The following CNTNAP5 variants were observed in gnomAD, a reference collection of about 807,000 sequenced individuals.
CNTNAP5 encodes contactin-associated protein-like 5.
CNTNAP5 carries 72 observed loss-of-function variants against 150.2 expected under a neutral mutation model. The observed-to-expected ratio is 0.48, with a 90% CI of 0.40 to 0.58. The LOEUF is 0.58. CNTNAP5 is among the 20% of genes least tolerant of loss of function. CNTNAP5 has a pLI of 0.00. For missense variants in CNTNAP5, 1,636 were observed against 1,626.2 expected (o/e 1.01, Z -0.10); for synonymous variants, 672 against 619.8 (o/e 1.08, Z -1.25).
At chr2:124,461,855 C>T (rs1693263073) in intron 6 of CNTNAP5, among the ~76,000 whole-genome samples, 1 of 65,570 alleles carries the variant, frequency 1.5e-5, no homozygotes. Flanking sequence ...GGTGAGATTC[C>T]ACCTCAAAAA....
At chr2:124,737,519 G>A (rs1286553780) in intron 13 of CNTNAP5, among the ~76,000 whole-genome samples, 1 of 152,094 alleles carries the variant, frequency 6.6e-6, no homozygotes, top group Non-Finnish European at 1.5e-5. Context: ...CTGGATTGTG[G>A]AATAAGACGT....
At chr2:124,270,121 G>C (rs188871290) in intron 3 of CNTNAP5, among the ~76,000 whole-genome samples, 3 of 152,050 alleles carry the variant, frequency 2.0e-5, no homozygotes, top group Non-Finnish European at 4.4e-5. Flanking sequence ...TTCCAGACCA[G>C]CCTGGCCAAC....
chr2:124,340,737 A>G (rs943767885), intron 3 of CNTNAP5, among the ~76,000 whole-genome samples: 1 of 151,386 alleles, frequency 6.6e-6, no homozygotes, highest in Non-Finnish European at 1.5e-5. Context: ...AGGGCAACAT[A>G]GTGATAATCT....
intron 19 of CNTNAP5, among the ~76,000 whole-genome samples, chr2:124,829,899 A>G (rs1338082220): frequency 6.6e-6 from 1 of 151,878 alleles, no homozygotes; most frequent in East Asian, 1.9e-4. Flanking sequence ...ACAGTGCCAC[A>G]TCAGAAAAAT....
At chr2:124,779,169 G>A (rs1681396206) in intron 17 of CNTNAP5, among the ~76,000 whole-genome samples, 1 of 152,200 alleles carries the variant, frequency 6.6e-6, no homozygotes, top group South Asian at 2.1e-4. Flanking sequence ...TGCCTCAGCT[G>A]CAGAGAAAGC....
intron 3 of CNTNAP5, among the ~76,000 whole-genome samples, chr2:124,259,675 C>T (rs1362274545): frequency 6.6e-6 from 1 of 152,138 alleles, no homozygotes; most frequent in Non-Finnish European, 1.5e-5. Context: ...AGTGTCTGTT[C>T]ATATCCCTTG....
At chr2:124,502,317 A>G (rs1230071887) in intron 7 of CNTNAP5, among the ~76,000 whole-genome samples, 2 of 152,174 alleles carry the variant, frequency 1.3e-5, no homozygotes, top group African/African-American at 4.8e-5. Context: ...CAAACTGATC[A>G]AATAAGGAAA....
Position 124,861,917 on chromosome 2 carries a change from G to A in CNTNAP5, c.3218-3389G>A, listed in dbSNP as rs1178790223. Among the ~76,000 whole-genome samples, 7 of 152,126 alleles carry A rather than the reference G, an allele frequency of 4.6e-5. No individual in the cohort carries two copies. The East Asian group carries it at 5.8e-4, about 13-fold the overall frequency. ...CAACCTCTACCTCCCAGGTTGAAGC[G>A]ATTCTCCTGCCTCAGTCTCCTGAGT... On this transcript the variant is annotated intron_variant, in intron 19 of 23. Transcript: ENST00000682447.
chr2:124,698,934 G>T (rs1679462322), intron 13 of CNTNAP5, among the ~76,000 whole-genome samples: 1 of 152,142 alleles, frequency 6.6e-6, no homozygotes, highest in South Asian at 2.1e-4. Flanking sequence ...TGGCAGCCCA[G>T]TGTGAGGAAT....
At chr2:124,328,201 A>G (rs1332810896) in intron 3 of CNTNAP5, among the ~76,000 whole-genome samples, 1 of 152,164 alleles carries the variant, frequency 6.6e-6, no homozygotes, top group African/African-American at 2.4e-5. Flanking sequence ...TATAAGATAA[A>G]TGAGTTCTAG....
At chr2:124,706,785 GAAGAAGA>G (rs1553433512) in intron 13 of CNTNAP5, among the ~76,000 whole-genome samples, 51 of 35,878 alleles carry the variant, frequency 1.4e-3, no homozygotes, top group Non-Finnish European at 2.4e-3. Flanking sequence ...AGAAGAAGAA[GAAGAAGA>G]AGAAGGAGGA....
At chr2:124,325,999 G>A (rs1015340091) in intron 3 of CNTNAP5, among the ~76,000 whole-genome samples, 2 of 152,140 alleles carry the variant, frequency 1.3e-5, no homozygotes, top group African/African-American at 4.8e-5. Context: ...AGCCATGCTG[G>A]CTGCAACAAT....
At chr2:124,881,134 G>A (rs925859822) in intron 21 of CNTNAP5, among the ~76,000 whole-genome samples, 28 of 152,104 alleles carry the variant, frequency 1.8e-4, no homozygotes, top group African/African-American at 6.5e-4. Context: ...AGAATCTATT[G>A]TGTAGAGAGG....
chr2:124,505,795 C>T (rs1048490585), intron 8 of CNTNAP5, among the ~76,000 whole-genome samples: 1 of 152,122 alleles, frequency 6.6e-6, no homozygotes, highest in Admixed American at 6.6e-5. Flanking sequence ...ATCTCACATG[C>T]CAAGGATTGG....
chr2:124,526,246 C>A (rs748474870), intron 9 of CNTNAP5, among the ~76,000 whole-genome samples: 2 of 152,094 alleles, frequency 1.3e-5, no homozygotes, highest in East Asian at 1.9e-4. Flanking sequence ...AAATGCCCCA[C>A]GCGTAGACTG....
intron 4 of CNTNAP5, among the ~76,000 whole-genome samples, chr2:124,421,832 C>A (rs182861595): frequency 6.6e-6 from 1 of 152,340 alleles, no homozygotes; most frequent in African/African-American, 2.4e-5. Context: ...GTCCCCCCGA[C>A]TGTTCCTCTA....
At chr2:124,522,932 G>A (rs779820451) in intron 8 of CNTNAP5, among the ~76,000 whole-genome samples, 3 of 152,100 alleles carry the variant, frequency 2.0e-5, no homozygotes, top group African/African-American at 7.2e-5. Context: ...TTTCTTCTCT[G>A]CTCACATATT....
At chr2:124,146,007 T>C (rs1684243920) in intron 1 of CNTNAP5, among the ~76,000 whole-genome samples, 1 of 152,018 alleles carries the variant, frequency 6.6e-6, no homozygotes, top group Non-Finnish European at 1.5e-5. Flanking sequence ...ATTTTTATTT[T>C]AAAAAGCATT....
chr2:124,624,616 A>G (rs1345634153), intron 12 of CNTNAP5, among the ~76,000 whole-genome samples: 2 of 152,238 alleles, frequency 1.3e-5, no homozygotes, highest in African/African-American at 2.4e-5. Context: ...TGAACTTGAC[A>G]TCAAGTTTAC....
Sources: gnomAD v4.1 joint callset for allele counts (sites outside exome capture counted in the v4.1 genomes callset) on GRCh38, gnomAD v4.1.1 for gene constraint, MANE v1.5 for transcripts, NCBI Gene and HGNC (gene_info 2026-07-23, HGNC 2026-07-21) for gene names.